The following BRI3BP variants were observed in gnomAD, a reference collection of about 807,000 sequenced individuals.
BRI3BP encodes BRI3-binding protein.
Under a neutral mutation model 15.8 loss-of-function variants are expected in BRI3BP, and 7 were observed. The observed-to-expected ratio is 0.44, with a 90% CI of 0.25 to 0.83. BRI3BP has a LOEUF of 0.83. Among genes scored for constraint, BRI3BP ranks in the 40% least tolerant of loss-of-function variants. BRI3BP has a pLI of 0.20. For missense variants in BRI3BP, 320 were observed against 339.3 expected (o/e 0.94, Z 0.45); for synonymous variants, 192 against 163.5 (o/e 1.17, Z -1.33).
Position 124,993,927 on chromosome 12 carries a change from A to G in BRI3BP, c.137A>G (p.Tyr46Cys), listed in dbSNP as rs1955017559. The change falls in exon 1 of 3, where the codon TAC becomes TGC. Residue 46 changes from tyrosine (Y) to cysteine (C), a missense_variant. Physicochemically the swap from Tyr to Cys is radical, Grantham distance 194. Transcript: ENST00000341446. ...RGRGGAEKNS[Y>C]RRTVNTFSQS... is the part of the protein sequence containing the mutation. ...CGCGGCGGCGCGGAGAAGAACAGCT[A>G]CCGCCGCACGGTCAACACCTTCTCC... is the stretch of plus-strand genomic sequence containing the variant. 2.2e-6 allele frequency: 3 copies of G among 1,337,184 alleles called. No individual in the cohort carries two copies. Among genetic ancestry groups the G allele is most frequent in the Non-Finnish European group, 2.9e-6 (3 of 1,032,804 alleles). The allele number at this position is 1,337,184 out of a possible 1,614,324, so 82.8% of individuals were successfully genotyped here. A position where few individuals can be genotyped will look rare whatever the true frequency, so the allele number is the denominator to read the frequency against.
intron 2 of BRI3BP, among the ~76,000 whole-genome samples, chr12:125,015,674 T>C (rs985029007): frequency 6.6e-6 from 1 of 152,224 alleles, no homozygotes; most frequent in African/African-American, 2.4e-5. Flanking sequence ...CACTGGTTCA[T>C]ACCTGTTGAC....
chr12:125,009,801 T>G, intron 1 of BRI3BP, among the ~76,000 whole-genome samples: 1 of 152,170 alleles, frequency 6.6e-6, no homozygotes, highest in Non-Finnish European at 1.5e-5. Context: ...TCAATACTTC[T>G]GTTAGAATAT....
chr12:125,025,598 C>A lies in BRI3BP; in HGVS notation c.*168C>A. ...ACCCGGCAGCTCTTAGGACACATTC[C>A]CAGAAGAGCGGAAAGATCATTGACG... On this transcript the variant is annotated 3_prime_UTR_variant, in exon 3 of 3. Transcript: ENST00000341446. 1 of 659,778 alleles carries A rather than the reference C, an allele frequency of 1.5e-6. No homozygotes were observed. The highest frequency in any genetic ancestry group is 2.5e-6 in the Non-Finnish European group (1 of 404,386). The allele number at this position is 659,778 out of a possible 1,614,324, so 40.9% of individuals were successfully genotyped here. A position where few individuals can be genotyped will look rare whatever the true frequency, so the allele number is the denominator to read the frequency against.
chr12:125,008,523 AG>A (rs1356758029), intron 1 of BRI3BP, among the ~76,000 whole-genome samples: 8 of 151,778 alleles, frequency 5.3e-5, no homozygotes, highest in African/African-American at 1.9e-4. Context: ...CGTGTTAGCC[AG>A]GATGGTCTAG....
rs1237446940 is a variant in BRI3BP at position 124,994,993 on chromosome 12, T to A, written c.213+990T>A. On this transcript the variant is annotated intron_variant, in intron 1 of 2. Transcript: ENST00000341446. ...TTCATTGCGAGGTTGTAATTATGAC[T>A]AGTTGGTACCTTCCTGGCCCAGAAT... Among the ~76,000 whole-genome samples, 11 of 152,194 alleles carry A rather than the reference T, an allele frequency of 7.2e-5. No homozygotes were observed. In the East Asian group the frequency reaches 2.1e-3, roughly 29 times the overall value.
chr12:125,021,271 G>T (rs990165816), intron 2 of BRI3BP, among the ~76,000 whole-genome samples: 3 of 152,202 alleles, frequency 2.0e-5, no homozygotes, highest in East Asian at 3.8e-4. Flanking sequence ...GCTGTGCGGA[G>T]TCTGATCATT....
Position 125,012,649 on chromosome 12 carries a change from G to C in BRI3BP, c.316+13G>C, listed in dbSNP as rs1167136182. The C allele has an allele frequency of 6.4e-7, 1 of 1,566,894 alleles. No individual in the cohort carries two copies. Among genetic ancestry groups the C allele is most frequent in the African/African-American group, 1.4e-5 (1 of 73,828 alleles). Reference sequence around the variant, plus strand: ...CTTGGACTTGACGGTAGGTGTAGGGGTGGCATTCACGTAAGGTGTCATTCT... The same window carrying C: ...CTTGGACTTGACGGTAGGTGTAGGGCTGGCATTCACGTAAGGTGTCATTCT... On this transcript the variant is annotated intron_variant, in intron 2 of 2. Coordinates refer to ENST00000341446, the MANE Select transcript of BRI3BP (RefSeq NM_080626.6).
At chr12:125,050,895 TACA>T in the BRI3BP span, among the ~76,000 whole-genome samples, 1 of 152,216 alleles carries the variant, frequency 6.6e-6, no homozygotes, top group African/African-American at 2.4e-5. Flanking sequence ...TGCATCTTAT[TACA>T]ACATCTATCC....
chr12:125,007,864 C>T (rs1955159042), intron 1 of BRI3BP, among the ~76,000 whole-genome samples: 1 of 152,180 alleles, frequency 6.6e-6, no homozygotes, highest in African/African-American at 2.4e-5. Flanking sequence ...CAGATCATGT[C>T]TTACTACGCG....
At chr12:125,041,252 T>C in the BRI3BP span, among the ~76,000 whole-genome samples, 1 of 149,294 alleles carries the variant, frequency 6.7e-6, no homozygotes, top group Non-Finnish European at 1.5e-5. Context: ...GAGACAGGGT[T>C]TCACCATGTT....
intron 1 of BRI3BP, among the ~76,000 whole-genome samples, chr12:125,002,078 T>C (rs1955096584): frequency 6.6e-6 from 1 of 152,190 alleles, no homozygotes; most frequent in African/African-American, 2.4e-5. Flanking sequence ...ACTTTATTCC[T>C]CTTTATGGCT....
At chr12:125,004,525 A>C (rs1955126041) in intron 1 of BRI3BP, among the ~76,000 whole-genome samples, 2 of 152,224 alleles carry the variant, frequency 1.3e-5, no homozygotes, top group African/African-American at 4.8e-5. Context: ...AGAGTTTAAA[A>C]AATAGTCTTT....
chr12:125,035,556 G>A (rs772455855), downstream of BRI3BP, among the ~76,000 whole-genome samples: 9 of 151,954 alleles, frequency 5.9e-5, no homozygotes, highest in Non-Finnish European at 1.3e-4. Context: ...ATCACACCAG[G>A]CTAATGCTTT....
chr12:125,008,502 C>T (rs1206960625), intron 1 of BRI3BP, among the ~76,000 whole-genome samples: 4 of 151,736 alleles, frequency 2.6e-5, no homozygotes, highest in African/African-American at 7.3e-5. Context: ...TTAGTAGAGA[C>T]GGGGTTTCAC....
chr12:124,998,152 C>T (rs970708255), intron 1 of BRI3BP, among the ~76,000 whole-genome samples: 5 of 148,630 alleles, frequency 3.4e-5, no homozygotes, highest in South Asian at 4.2e-4. Flanking sequence ...ATTAGCTGGG[C>T]GTGGTGGTGC....
Position 125,025,595 on chromosome 12 carries a change from T to G in BRI3BP, c.*165T>G. ...CCCACCCGGCAGCTCTTAGGACACA[T>G]TCCCAGAAGAGCGGAAAGATCATTG... On this transcript the variant is annotated 3_prime_UTR_variant, in exon 3 of 3. Transcript: ENST00000341446. 1 of 668,402 alleles carries G rather than the reference T, an allele frequency of 1.5e-6. No homozygotes were observed. The highest frequency in any genetic ancestry group is 2.4e-6 in the Non-Finnish European group (1 of 411,264). The allele number at this position is 668,402 out of a possible 1,614,324, so 41.4% of individuals were successfully genotyped here. A position where few individuals can be genotyped will look rare whatever the true frequency, so the allele number is the denominator to read the frequency against.
chr12:125,037,035 TATGA>T, the BRI3BP span, among the ~76,000 whole-genome samples: 1 of 152,226 alleles, frequency 6.6e-6, no homozygotes, highest in Non-Finnish European at 1.5e-5. Context: ...GTTGTCTTCA[TATGA>T]AAAAATTAAA....
intron 1 of BRI3BP, among the ~76,000 whole-genome samples, chr12:125,007,206 C>G (rs1293491912): frequency 1.3e-5 from 2 of 151,656 alleles, no homozygotes; most frequent in African/African-American, 4.9e-5. Flanking sequence ...CTCCGCCCCC[C>G]CCAAATAAAT....
Position 124,994,002 on chromosome 12 carries a change from A to C in BRI3BP, c.212A>C (p.Lys71Thr). 7.5e-7 allele frequency: 1 copy of C among 1,332,366 alleles called. No homozygotes were observed. The highest frequency in any genetic ancestry group is 9.7e-7 in the Non-Finnish European group (1 of 1,026,526). The allele number at this position is 1,332,366 out of a possible 1,614,324, so 82.5% of individuals were successfully genotyped here. ...FGEDNVRAAQ[K>T]FLARLTERFV... The stretch of plus-strand genomic sequence containing the variant: ...GAGGACAACGTGCGCGCCGCTCAGA[A>C]GGTGGGCGCCGGGCCCGCGCCCGCG... Residue 71 changes from lysine (K) to threonine (T), a missense_variant and splice_region_variant, in exon 1 of 3, where the codon AAG becomes ACG. Physicochemically the swap from Lys to Thr is moderately conservative, Grantham distance 78. Transcript: ENST00000341446.
Sources: gnomAD v4.1 joint callset for allele counts (sites outside exome capture counted in the v4.1 genomes callset) on GRCh38, gnomAD v4.1.1 for gene constraint, MANE v1.5 for transcripts, NCBI Gene and HGNC (gene_info 2026-07-23, HGNC 2026-07-21) for gene names.